Variants in VWA8 observed in about 807,000 individuals in gnomAD.
VWA8 encodes the protein von Willebrand factor A domain containing 8.
VWA8 carries 221 observed loss-of-function variants against 241.5 expected under a neutral mutation model. The ratio of observed to expected loss-of-function variants is 0.91; its 90% CI spans 0.82 to 1.02. The LOEUF (loss-of-function observed/expected upper bound fraction) is 1.02, where lower values mean the gene tolerates loss of function less well. Ranked by LOEUF, VWA8 falls within the 50% of genes least tolerant of loss-of-function variation. VWA8 has a pLI of 0.00. For missense variants in VWA8, 2,322 were observed against 2,328.7 expected (o/e 1.00, Z 0.06); for synonymous variants, 852 against 827.1 (o/e 1.03, Z -0.52).
chr13:41,959,940 G>T (rs905434950), intron 1 of VWA8, among the ~76,000 whole-genome samples: 16 of 152,130 alleles, frequency 1.1e-4, no homozygotes, highest in Non-Finnish European at 1.9e-4. Context: ...GAAAACTGGG[G>T]GTTGCGGGGA....
intron 12 of VWA8, among the ~76,000 whole-genome samples, chr13:41,853,423 A>G (rs1195013787): frequency 6.6e-6 from 1 of 151,904 alleles, no homozygotes; most frequent in Non-Finnish European, 1.5e-5. Context: ...CTCTTTTTCT[A>G]TTTTTTTAAA....
chr13:41,910,381 T>C lies in VWA8; in HGVS notation c.372+1657A>G, dbSNP rs369536570. ...GCAGATGGATCACAAGGTCAGGAGT[T>C]GGAGACCAGCCTGCCCAATATGGTG... On this transcript the variant is annotated intron_variant, in intron 3 of 44. Coordinates refer to ENST00000379310, the MANE Select transcript of VWA8 (RefSeq NM_015058.2). Among the ~76,000 whole-genome samples, 8 of 152,106 alleles carry C rather than the reference T, an allele frequency of 5.3e-5. No homozygotes were observed. In the South Asian group the frequency reaches 1.2e-3, roughly 24 times the overall value.
chr13:41,908,262 T>A (rs1396888181), intron 3 of VWA8, among the ~76,000 whole-genome samples: 1 of 152,136 alleles, frequency 6.6e-6, no homozygotes, highest in Non-Finnish European at 1.5e-5. Flanking sequence ...GGTCAGAAGT[T>A]CGAGACCAGC....
At chr13:41,789,178 G>T (rs1869341256) in intron 17 of VWA8, among the ~76,000 whole-genome samples, 1 of 152,160 alleles carries the variant, frequency 6.6e-6, no homozygotes, top group Admixed American at 6.6e-5. Context: ...ATATCAGGCG[G>T]TGTAAGGCCA....
At chr13:41,843,936 T>C (rs1194001200) in intron 12 of VWA8, among the ~76,000 whole-genome samples, 1 of 152,172 alleles carries the variant, frequency 6.6e-6, no homozygotes, top group Non-Finnish European at 1.5e-5. Context: ...CCAATTCTAC[T>C]GAAACTATTC....
At chr13:41,908,046 C>A (rs1295723212) in intron 3 of VWA8, among the ~76,000 whole-genome samples, 2 of 152,074 alleles carry the variant, frequency 1.3e-5, no homozygotes, top group Non-Finnish European at 2.9e-5. Flanking sequence ...CAAACTATAG[C>A]CATTTCTGTA....
chr13:41,672,362 G>A (rs2045031812), intron 36 of VWA8, among the ~76,000 whole-genome samples: 1 of 152,076 alleles, frequency 6.6e-6, no homozygotes, highest in African/African-American at 2.4e-5. Flanking sequence ...AGAGTCAACT[G>A]CATATCTCCT....
intron 20 of VWA8, among the ~76,000 whole-genome samples, chr13:41,770,133 T>G (rs1484720538): frequency 6.6e-6 from 1 of 151,990 alleles, no homozygotes; most frequent in African/African-American, 2.4e-5. Flanking sequence ...AAGGGGATAT[T>G]GCACTCAGGA....
At chr13:41,571,637 C>T (rs935424754) in intron 43 of VWA8, among the ~76,000 whole-genome samples, 2 of 152,202 alleles carry the variant, frequency 1.3e-5, no homozygotes, top group African/African-American at 2.4e-5. Flanking sequence ...GACGGAGTCT[C>T]GCTCACTCAG....
At chr13:41,646,994 A>G (rs1045670396) in intron 37 of VWA8, among the ~76,000 whole-genome samples, 1 of 152,240 alleles carries the variant, frequency 6.6e-6, no homozygotes, top group African/African-American at 2.4e-5. Context: ...GACTATCATC[A>G]TTCTATCACA....
intron 42 of VWA8, among the ~76,000 whole-genome samples, chr13:41,586,680 G>T (rs1166465616): frequency 1.3e-5 from 2 of 152,174 alleles, no homozygotes; most frequent in African/African-American, 2.4e-5. Context: ...ATCCTGGGGT[G>T]CATGTGGGAT....
chr13:41,686,682 T>G (rs561042088), intron 34 of VWA8, among the ~76,000 whole-genome samples: 1 of 152,266 alleles, frequency 6.6e-6, no homozygotes, highest in South Asian at 2.1e-4. Context: ...TTGTTTTCAT[T>G]ATCCTTAATG....
intron 37 of VWA8, among the ~76,000 whole-genome samples, chr13:41,639,476 C>T (rs2044781001): frequency 6.6e-6 from 1 of 152,150 alleles, no homozygotes; most frequent in African/African-American, 2.4e-5. Flanking sequence ...TGCATCAGTC[C>T]TAACAATCCA....
intron 36 of VWA8, among the ~76,000 whole-genome samples, chr13:41,673,971 TA>T (rs1243126933): frequency 6.6e-6 from 1 of 152,218 alleles, no homozygotes; most frequent in African/African-American, 2.4e-5. Flanking sequence ...TTAGATATGT[TA>T]AAAAAGATGT....
intron 21 of VWA8, among the ~76,000 whole-genome samples, chr13:41,739,848 G>GTTTTTTTTTTTTTTTTTTTTTTTTTT (rs1179107917): frequency 2.0e-5 from 1 of 50,896 alleles, no homozygotes; most frequent in Non-Finnish European, 4.4e-5. Context: ...TGTTTTTTTT[G>GTTTTTTTTTTTTTTTTTTTTTTTTTT]TTTTTTTTGT....
At chr13:41,921,134 A>G (rs1876511192) in intron 2 of VWA8, among the ~76,000 whole-genome samples, 1 of 152,232 alleles carries the variant, frequency 6.6e-6, no homozygotes, top group Non-Finnish European at 1.5e-5. Context: ...GGTTCAACAT[A>G]TGCAAATCAA....
At chr13:41,856,743 G>C (rs1034984618) in intron 12 of VWA8, among the ~76,000 whole-genome samples, 7 of 151,866 alleles carry the variant, frequency 4.6e-5, no homozygotes, top group African/African-American at 1.7e-4. Context: ...AGGATGGTTT[G>C]AGCCTGGAAG....
chr13:41,790,125 T>G (rs1462009953), intron 17 of VWA8, among the ~76,000 whole-genome samples: 6 of 152,106 alleles, frequency 3.9e-5, no homozygotes, highest in Admixed American at 2.6e-4. Context: ...ACTGAATGAA[T>G]GAACAGAAAA....
intron 21 of VWA8, among the ~76,000 whole-genome samples, chr13:41,750,345 A>G (rs1266471187): frequency 6.6e-6 from 1 of 151,964 alleles, no homozygotes; most frequent in Non-Finnish European, 1.5e-5. Flanking sequence ...AGGCAGAAGA[A>G]TTGCTTGAAC....
Sources: allele counts gnomAD v4.1 joint callset (sites outside exome capture counted in the v4.1 genomes callset), GRCh38; gene constraint gnomAD v4.1.1; transcripts MANE v1.5; gene names NCBI Gene and HGNC (gene_info 2026-07-23, HGNC 2026-07-21).